NALF1: variants seen among roughly 807,000 people sequenced by gnomAD.
The protein encoded by NALF1 is family with sequence similarity 155 member A.
Under a neutral mutation model 48.4 loss-of-function variants are expected in NALF1, and 3 were observed. That is an observed-to-expected ratio of 0.06 (90% CI 0.03 to 0.16). NALF1 has a LOEUF of 0.16. Among genes scored for constraint, NALF1 ranks in the 10% least tolerant of loss-of-function variants. The pLI, the probability that NALF1 is intolerant of heterozygous loss-of-function variation, is 1.00. For missense variants in NALF1, 526 were observed against 571.5 expected (o/e 0.92, Z 0.81); for synonymous variants, 262 against 245.7 (o/e 1.07, Z -0.62).
intron 1 of NALF1, among the ~76,000 whole-genome samples, chr13:107,603,630 A>T (rs1656220027): frequency 6.6e-6 from 1 of 152,212 alleles, no homozygotes; most frequent in South Asian, 2.1e-4. Flanking sequence ...CAGAGAGGCA[A>T]TTTAAAATCT....
intron 1 of NALF1, among the ~76,000 whole-genome samples, chr13:107,757,032 T>C (rs960766326): frequency 1.3e-5 from 2 of 152,182 alleles, no homozygotes; most frequent in African/African-American, 4.8e-5. Context: ...AAAAAAATTA[T>C]ATGCAGATGT....
Position 107,486,730 on chromosome 13 carries a change from A to G in NALF1, c.916-275975T>C, listed in dbSNP as rs574780475. Among the ~76,000 whole-genome samples, 418 of 152,312 alleles carry G rather than the reference A, an allele frequency of 2.7e-3. 5 individuals are homozygous for G. Among genetic ancestry groups the G allele is most frequent in the African/African-American group, 9.7e-3 (402 of 41,566 alleles). On this transcript the variant is annotated intron_variant, in intron 1 of 2. Transcript: ENST00000375915. ...ATCTCATTTTTCCTGAGAAAGAAGC[A>G]CAAAAATGAGTGTGGCCTCTCTTTG... is the stretch of plus-strand genomic sequence containing the variant.
chr13:107,441,863 A>T (rs1884565142), intron 1 of NALF1, among the ~76,000 whole-genome samples: 1 of 152,220 alleles, frequency 6.6e-6, no homozygotes, highest in African/African-American at 2.4e-5. Context: ...CGTAGGTTTG[A>T]TCATATAAGT....
chr13:107,766,633 A>G (rs543301594), intron 1 of NALF1, among the ~76,000 whole-genome samples: 1 of 152,356 alleles, frequency 6.6e-6, no homozygotes, highest in East Asian at 1.9e-4. Flanking sequence ...TCAACCTATG[A>G]GAGAATTTAT....
chr13:107,526,433 C>T (rs983063156), intron 1 of NALF1, among the ~76,000 whole-genome samples: 2 of 152,092 alleles, frequency 1.3e-5, no homozygotes, highest in Admixed American at 1.3e-4. Flanking sequence ...AGCAGAGAAA[C>T]TGAGGACTCC....
intron 1 of NALF1, among the ~76,000 whole-genome samples, chr13:107,402,165 T>C (rs1179885836): frequency 1.3e-5 from 2 of 152,200 alleles, no homozygotes; most frequent in Admixed American, 6.5e-5. Context: ...GCATAGTGAC[T>C]TCAGTCTTGC....
At chr13:107,722,070 C>A (rs992067048) in intron 1 of NALF1, among the ~76,000 whole-genome samples, 1 of 151,986 alleles carries the variant, frequency 6.6e-6, no homozygotes, top group Non-Finnish European at 1.5e-5. Flanking sequence ...TGGTAGAATT[C>A]TATGCAGAAA....
intron 2 of NALF1, among the ~76,000 whole-genome samples, chr13:107,185,830 A>G (rs1463791081): frequency 6.6e-6 from 1 of 152,202 alleles, no homozygotes; most frequent in East Asian, 1.9e-4. Flanking sequence ...AGAATCAATC[A>G]GGTTATACCT....
Position 107,733,996 on chromosome 13 carries a change from C to T in NALF1, c.915+131686G>A, listed in dbSNP as rs191454750. Among the ~76,000 whole-genome samples, 322 of 152,266 alleles carry T rather than the reference C, an allele frequency of 2.1e-3. 2 individuals are homozygous for T. The highest frequency in any genetic ancestry group is 3.4e-3 in the Non-Finnish European group (231 of 68,016). ...TGGTATAGCCTGTTGCAAACCTGTA[C>T]AGTATGCTACTGTACTGAATATGTT... is the stretch of plus-strand genomic sequence containing the variant. On this transcript the variant is annotated intron_variant, in intron 1 of 2. Transcript: ENST00000375915.
intron 1 of NALF1, among the ~76,000 whole-genome samples, chr13:107,700,308 A>G (rs1881789288): frequency 6.6e-6 from 1 of 152,098 alleles, no homozygotes; most frequent in Non-Finnish European, 1.5e-5. Context: ...AAATAGAAAC[A>G]AAAACCAATG....
chr13:107,367,193 C>T (rs1336035270), intron 1 of NALF1, among the ~76,000 whole-genome samples: 3 of 152,186 alleles, frequency 2.0e-5, no homozygotes, highest in Non-Finnish European at 2.9e-5. Context: ...AGGGATAACT[C>T]TTCTTACCAC....
At chr13:107,812,694 T>C (rs1879032976) in intron 1 of NALF1, among the ~76,000 whole-genome samples, 1 of 152,320 alleles carries the variant, frequency 6.6e-6, no homozygotes, top group South Asian at 2.1e-4. Flanking sequence ...CCATGGAGTC[T>C]GTTTTCAAAC....
intron 1 of NALF1, among the ~76,000 whole-genome samples, chr13:107,426,425 C>T (rs575219041): frequency 1.2e-4 from 18 of 152,264 alleles, no homozygotes; most frequent in African/African-American, 3.6e-4. Flanking sequence ...AGGAAACTGA[C>T]GGACAGGACA....
intron 1 of NALF1, among the ~76,000 whole-genome samples, chr13:107,836,387 C>A (rs964912701): frequency 3.3e-5 from 5 of 152,028 alleles, no homozygotes; most frequent in African/African-American, 7.2e-5. Flanking sequence ...GTGTTTGATA[C>A]AAAAGGCACT....
chr13:107,429,644 A>G (rs1884341305), intron 1 of NALF1, among the ~76,000 whole-genome samples: 1 of 152,198 alleles, frequency 6.6e-6, no homozygotes, highest in Non-Finnish European at 1.5e-5. Context: ...CTTCTTACTC[A>G]ACAGGGTTAT....
At chr13:107,377,468 G>A (rs1435843013) in intron 1 of NALF1, among the ~76,000 whole-genome samples, 1 of 152,150 alleles carries the variant, frequency 6.6e-6, no homozygotes. Flanking sequence ...CCCTTGGCAA[G>A]GGCCTTATCA....
At chr13:107,746,020 A>T (rs924117082) in intron 1 of NALF1, among the ~76,000 whole-genome samples, 1 of 152,138 alleles carries the variant, frequency 6.6e-6, no homozygotes. Context: ...AACTATGGAG[A>T]CTTCCTCGGA....
intron 1 of NALF1, among the ~76,000 whole-genome samples, chr13:107,388,114 G>A (rs576815607): frequency 6.6e-6 from 1 of 152,242 alleles, no homozygotes; most frequent in Admixed American, 6.5e-5. Context: ...CTAATCTCTG[G>A]TGTAGTTATT....
At chr13:107,296,260 C>T (rs942149695) in intron 1 of NALF1, among the ~76,000 whole-genome samples, 8 of 152,146 alleles carry the variant, frequency 5.3e-5, no homozygotes, top group South Asian at 2.1e-4. Context: ...AGATTTAATC[C>T]GTGATAGTGT....
Sources: gnomAD v4.1 joint callset for allele counts (sites outside exome capture counted in the v4.1 genomes callset) on GRCh38, gnomAD v4.1.1 for gene constraint, MANE v1.5 for transcripts, NCBI Gene and HGNC (gene_info 2026-07-23, HGNC 2026-07-21) for gene names.